Variants in ANO6 observed in about 807,000 individuals in gnomAD.
ANO6 encodes the protein anoctamin 6.
A neutral mutation model predicts 117.5 loss-of-function variants in ANO6; 106 were observed. The ratio of observed to expected loss-of-function variants is 0.90; its 90% CI spans 0.77 to 1.06. The LOEUF is 1.06. Ranked by LOEUF, ANO6 falls within the 50% of genes least tolerant of loss-of-function variation. ANO6 has a pLI of 0.00. For synonymous variants in ANO6, 367 were observed against 385.1 expected (o/e 0.95, Z 0.55); for missense variants, 955 against 1,121.1 (o/e 0.85, Z 2.12).
At chr12:45,368,651 A>G (rs986506332) in intron 9 of ANO6, among the ~76,000 whole-genome samples, 3 of 152,168 alleles carry the variant, frequency 2.0e-5, no homozygotes, top group African/African-American at 7.2e-5. Context: ...AGCTTATTTC[A>G]GAGCATTTTC....
At chr12:45,439,646 G>A (rs1442706735) in intron 19 of ANO6, 2 of 1,118,218 alleles carry the variant, frequency 1.8e-6, no homozygotes, top group African/African-American at 3.4e-5. Context: ...TGATTTAATT[G>A]CTTTTTTTTT....
At chr12:45,360,643 T>G (rs2137485299) in intron 8 of ANO6, among the ~76,000 whole-genome samples, 1 of 152,360 alleles carries the variant, frequency 6.6e-6, no homozygotes, top group South Asian at 2.1e-4. Context: ...TTTATTCTGT[T>G]ATTTGTGCTT....
At chr12:45,264,929 G>A (rs1378025617) in intron 1 of ANO6, among the ~76,000 whole-genome samples, 1 of 152,156 alleles carries the variant, frequency 6.6e-6, no homozygotes, top group Non-Finnish European at 1.5e-5. Context: ...TGTGCAGTTG[G>A]AAAAATCCTG....
At chr12:45,308,047 A>AATTTTTT (rs1939728286) in intron 2 of ANO6, among the ~76,000 whole-genome samples, 1 of 17,910 alleles carries the variant, frequency 5.6e-5, no homozygotes, top group Non-Finnish European at 2.1e-4. Context: ...GTGTGTGTGT[A>AATTTTTT]ATTTTTTTTT....
intron 1 of ANO6, among the ~76,000 whole-genome samples, chr12:45,298,702 A>G (rs1354146241): frequency 6.6e-6 from 1 of 152,224 alleles, no homozygotes; most frequent in Non-Finnish European, 1.5e-5. Context: ...TTCCATTACC[A>G]GCAGACTAAC....
chr12:45,314,105 A>C (rs929523813), intron 2 of ANO6, among the ~76,000 whole-genome samples: 1 of 151,920 alleles, frequency 6.6e-6, no homozygotes, highest in African/African-American at 2.4e-5. Flanking sequence ...CTGTTTAATG[A>C]GTTCTGTTAG....
chr12:45,298,257 A>G (rs904777164), intron 1 of ANO6, among the ~76,000 whole-genome samples: 1 of 152,248 alleles, frequency 6.6e-6, no homozygotes, highest in Admixed American at 6.5e-5. Flanking sequence ...TTGCTGTATA[A>G]GGCTGAGGCA....
At chr12:45,429,008 T>C (rs1781329314) in intron 19 of ANO6, 97 bp from the exon 20 acceptor site, 1 of 1,458,388 alleles carries the variant, frequency 6.9e-7, no homozygotes. Flanking sequence ...CACTGCCTTG[T>C]CCAGATAAAC....
chr12:45,227,350 G>A (rs955165122), intron 1 of ANO6, among the ~76,000 whole-genome samples: 1 of 152,190 alleles, frequency 6.6e-6, no homozygotes, highest in Non-Finnish European at 1.5e-5. Flanking sequence ...TAGGTAATTG[G>A]CTGCTGTTGA....
chr12:45,281,783 A>AGATGGC (rs1938744630), intron 1 of ANO6, among the ~76,000 whole-genome samples: 1 of 152,244 alleles, frequency 6.6e-6, no homozygotes, highest in Non-Finnish European at 1.5e-5. Flanking sequence ...CTTAAATTTG[A>AGATGGC]AAGTGGTTTC....
chr12:45,406,958 A>G (rs1366225607), intron 15 of ANO6, among the ~76,000 whole-genome samples: 2 of 152,208 alleles, frequency 1.3e-5, no homozygotes, highest in Admixed American at 1.3e-4. Flanking sequence ...GGCTATGACA[A>G]TACACATGGT....
rs750504458 is a variant in ANO6 at position 45,357,437 on chromosome 12, T to G, written c.998+13T>G. On this transcript the variant is annotated intron_variant, in intron 8 of 19. Coordinates refer to ENST00000320560, the MANE Select transcript of ANO6 (RefSeq NM_001025356.3). The stretch of plus-strand genomic sequence containing the variant: ...ACTGTACATGGAGGTAACCTCTGTT[T>G]ATTCCTTGTTGCCATGCTGAAAAGT... 16 of 1,613,098 alleles carry G rather than the reference T, an allele frequency of 9.9e-6. No individual in the cohort carries two copies. The highest frequency in any genetic ancestry group is 1.3e-5 in the Non-Finnish European group (15 of 1,179,976).
At chr12:45,345,320 G>A (rs1941099677) in intron 3 of ANO6, among the ~76,000 whole-genome samples, 1 of 152,088 alleles carries the variant, frequency 6.6e-6, no homozygotes, top group South Asian at 2.1e-4. Flanking sequence ...TCTTTTTCCT[G>A]CAGCTTCACC....
Position 45,431,416 on chromosome 12 carries a change from TG to T in ANO6, c.*2106del. The T allele has an allele frequency of 1.0e-6, 1 of 985,402 alleles. No individual in the cohort carries two copies. Among genetic ancestry groups the T allele is most frequent in the South Asian group, 4.7e-5 (1 of 21,284 alleles). The allele number at this position is 985,402 out of a possible 1,614,324, so 61.0% of individuals were successfully genotyped here. A position where few individuals can be genotyped will look rare whatever the true frequency, so the allele number is the denominator to read the frequency against. On this transcript the variant is annotated 3_prime_UTR_variant, in exon 20 of 20. Transcript: ENST00000320560. The stretch of plus-strand genomic sequence containing the variant: ...ATGTATGTCAGCATAGAAAAGGAAA[TG>T]TTTTTACCTTATCTCCTGTATGTAT...
intron 1 of ANO6, among the ~76,000 whole-genome samples, chr12:45,240,876 G>T (rs888006741): frequency 1.3e-5 from 2 of 152,086 alleles, no homozygotes; most frequent in African/African-American, 2.4e-5. Context: ...TTGAATATTG[G>T]CCCCCACTCT....
chr12:45,436,201 T>C (rs946207718), downstream of ANO6, among the ~76,000 whole-genome samples: 1 of 152,020 alleles, frequency 6.6e-6, no homozygotes, highest in Non-Finnish European at 1.5e-5. Context: ...AACCATAACA[T>C]AGAATGCCCA....
chr12:45,222,086 G>A lies in ANO6; in HGVS notation c.70+5695G>A, dbSNP rs1947410320. ...TTTAATAGAGGCGGGGTTTCACCGT[G>A]TTAATCAGGATGGTCTCATCTCCTG... On this transcript the variant is annotated intron_variant, in intron 1 of 19. Coordinates refer to ENST00000320560, the MANE Select transcript of ANO6 (RefSeq NM_001025356.3). Among the ~76,000 whole-genome samples, 9 of 151,794 alleles carry A rather than the reference G, an allele frequency of 5.9e-5. 1 individual carries two copies. Among genetic ancestry groups the A allele is most frequent in the Middle Eastern group, 3.4e-3 (1 of 294 alleles).
chr12:45,299,618 C>T (rs1295155500), intron 1 of ANO6, among the ~76,000 whole-genome samples: 7 of 151,898 alleles, frequency 4.6e-5, no homozygotes, highest in African/African-American at 1.5e-4. Context: ...TTTGGGAGGC[C>T]GAGGCAGGCA....
chr12:45,394,214 G>A (rs1385555692), intron 12 of ANO6, among the ~76,000 whole-genome samples: 2 of 152,108 alleles, frequency 1.3e-5, no homozygotes, highest in Non-Finnish European at 2.9e-5. Flanking sequence ...TCATAAAGCA[G>A]ACTTTAAACC....
Sources: gnomAD v4.1 joint callset for allele counts (sites outside exome capture counted in the v4.1 genomes callset) on GRCh38, gnomAD v4.1.1 for gene constraint, MANE v1.5 for transcripts, NCBI Gene and HGNC (gene_info 2026-07-23, HGNC 2026-07-21) for gene names.